The following AAGAB variants were observed in gnomAD, a reference collection of about 807,000 sequenced individuals.
AAGAB encodes alpha and gamma adaptin binding protein, also known as alpha- and gamma-adaptin-binding protein p34.
In AAGAB, 38 loss-of-function variants were observed where a neutral mutation model predicts 44.1. That is an observed-to-expected ratio of 0.86 (90% CI 0.67 to 1.13). The LOEUF (loss-of-function observed/expected upper bound fraction) is 1.13, where lower values mean the gene tolerates loss of function less well. Ranked by LOEUF, AAGAB falls within the 50% of genes most tolerant of loss-of-function variation. AAGAB has a pLI of 0.00. For synonymous variants in AAGAB, 131 were observed against 131.8 expected, an observed-to-expected ratio of 0.99 and a Z score of 0.04; for missense variants, 450 against 373.8, an observed-to-expected ratio of 1.20 and a Z score of -1.68.
At chr15:67,213,329 A>G (rs1050345943) in intron 5 of AAGAB, among the ~76,000 whole-genome samples, 4 of 152,320 alleles carry the variant, frequency 2.6e-5, no homozygotes, top group South Asian at 4.1e-4. Context: ...TAAATTGGAA[A>G]TTCTTAAGCC....
upstream of AAGAB, chr15:67,254,703 G>A (rs901904492): frequency 6.8e-7 from 1 of 1,477,612 alleles, no homozygotes; most frequent in African/African-American, 1.4e-5. Context: ...GCCGGCGCGA[G>A]GGGGAGACAG....
rs533628412 is a variant in AAGAB, at chr15:67,254,481, G to C, written c.73+78C>G. On this transcript the variant is annotated intron_variant, in intron 1 of 9. Coordinates refer to ENST00000261880, the MANE Select transcript of AAGAB (RefSeq NM_024666.5). ...GGGCCCGCTGCGGGGACAAGGCCCA[G>C]AGAGGCCGTGGTGCTGGGTCCGTCG... is the stretch of plus-strand genomic sequence containing the variant. 503 of 1,511,324 alleles carry C rather than the reference G, an allele frequency of 3.3e-4. 3 individuals carry two copies. In the African/African-American group the frequency reaches 6.1e-3, roughly 18 times the overall value. The allele number at this position is 1,511,324 out of a possible 1,614,324, so 93.6% of individuals were successfully genotyped here.
At chr15:67,208,460 C>T (rs1774730501) in intron 7 of AAGAB, 102 bp downstream of exon 7, 25 of 1,024,828 alleles carry the variant, frequency 2.4e-5, no homozygotes, top group Admixed American at 1.9e-4. Context: ...ATTTTTTTCC[C>T]TTCTCTGTGT....
chr15:67,202,865 C>T lies in AAGAB; in HGVS notation c.904G>A (p.Asp302Asn). 1 of 1,614,098 alleles carries T rather than the reference C, an allele frequency of 6.2e-7. No individual in the cohort carries two copies. Among genetic ancestry groups the T allele is most frequent in the Non-Finnish European group, 8.5e-7 (1 of 1,179,970 alleles). ...GAAAGGCCTTCAATTTCATCTCTGTCTCCCCCGATTGCCATCCAGAATGCT... is the reference window on the plus strand; with the variant it reads ...GAAAGGCCTTCAATTTCATCTCTGTTTCCCCCGATTGCCATCCAGAATGCT... ...AKAFWMAIGG[D>N]RDEIEGLSSD... The change falls in exon 10 of 10, where the codon GAC becomes AAC. Residue 302 changes from aspartate (D) to asparagine (N), a missense_variant. By Grantham distance (23) the Asp-to-Asn change is conservative. Coordinates refer to ENST00000261880, the MANE Select transcript of AAGAB (RefSeq NM_024666.5).
chr15:67,230,135 A>T (rs935550728), intron 5 of AAGAB, among the ~76,000 whole-genome samples: 1 of 151,956 alleles, frequency 6.6e-6, no homozygotes, highest in Non-Finnish European at 1.5e-5. Context: ...TACAGGTGTG[A>T]GCCACCTCAC....
intron 5 of AAGAB, among the ~76,000 whole-genome samples, 168 bp from the exon 6 acceptor site, chr15:67,209,712 G>A (rs574395315): frequency 6.6e-6 from 1 of 152,292 alleles, no homozygotes; most frequent in South Asian, 2.1e-4. Context: ...GAGTGCAGTG[G>A]CACAATCACA....
intron 1 of AAGAB, among the ~76,000 whole-genome samples, chr15:67,242,429 C>CAAA (rs59817309): frequency 5.1e-5 from 3 of 58,756 alleles, no homozygotes; most frequent in African/African-American, 1.6e-4. Flanking sequence ...GACTCCGTCT[C>CAAA]AAAAAAAAAA....
rs1964476971 is a variant in AAGAB, at chr15:67,236,695, ATTTG to A, written c.195_198del (p.Lys66PhefsTer43). The A allele has an allele frequency of 6.2e-7, 1 of 1,614,138 alleles. No homozygotes were observed. The highest frequency in any genetic ancestry group is 2.2e-5 in the East Asian group (1 of 44,876). On this transcript the variant is annotated frameshift_variant, in exon 2 of 10. Transcript: ENST00000261880. LOFTEE classifies it high-confidence loss of function. ...TCTGCAATCTCTGCAGTAACAAGAA[ATTTG>A]TTTGGCACCACACATAGATTGATGT...
chr15:67,212,266 A>G (rs1440223765), intron 5 of AAGAB, among the ~76,000 whole-genome samples: 1 of 152,202 alleles, frequency 6.6e-6, no homozygotes, highest in Admixed American at 6.5e-5. Context: ...TCATCACTGT[A>G]TACTGTAAAC....
At chr15:67,244,753 G>A (rs1029225441) in intron 1 of AAGAB, among the ~76,000 whole-genome samples, 7 of 151,088 alleles carry the variant, frequency 4.6e-5, no homozygotes, top group Non-Finnish European at 7.4e-5. Context: ...GCAGTGAGCC[G>A]AGATCACACC....
chr15:67,251,483 T>C (rs1420003357), intron 1 of AAGAB, among the ~76,000 whole-genome samples: 1 of 152,222 alleles, frequency 6.6e-6, no homozygotes, highest in Non-Finnish European at 1.5e-5. Context: ...CTTGAACTCC[T>C]GTGCTCAAGT....
upstream of AAGAB, chr15:67,254,710 A>T (rs1965040564): frequency 2.1e-6 from 3 of 1,462,436 alleles, no homozygotes; most frequent in Non-Finnish European, 2.8e-6. Flanking sequence ...CGAGGGGGAG[A>T]CAGGCCGGAG....
At chr15:67,214,223 C>A (rs1009566689) in intron 5 of AAGAB, among the ~76,000 whole-genome samples, 1 of 152,144 alleles carries the variant, frequency 6.6e-6, no homozygotes, top group Admixed American at 6.5e-5. Flanking sequence ...TTTATTAAGT[C>A]CCTGGTTTAG....
chr15:67,209,210 C>T (rs1963752297), intron 6 of AAGAB, among the ~76,000 whole-genome samples: 1 of 152,182 alleles, frequency 6.6e-6, no homozygotes, highest in African/African-American at 2.4e-5. Context: ...GATCTGAAGG[C>T]AAATTAATGC....
chr15:67,244,865 AAAG>A (rs1206021509), intron 1 of AAGAB, among the ~76,000 whole-genome samples: 1 of 152,188 alleles, frequency 6.6e-6, no homozygotes, highest in African/African-American at 2.4e-5. Flanking sequence ...ACATTTCACC[AAAG>A]AAGATATTAA....
At chr15:67,216,006 T>C (rs1963935779) in intron 5 of AAGAB, among the ~76,000 whole-genome samples, 2 of 152,190 alleles carry the variant, frequency 1.3e-5, no homozygotes, top group South Asian at 4.1e-4. Flanking sequence ...CTGGGACACC[T>C]GCTCACATAT....
In AAGAB at chr15:67,201,219, C is replaced by G. The variant is rs550454411; in HGVS notation, c.*1602G>C. ...AATCCCAGAGCCAACTTCCCTAATG[C>G]AATCACCTCAAAGAAACACTGATGG... On this transcript the variant is annotated 3_prime_UTR_variant, in exon 10 of 10. Transcript: ENST00000261880. 1 of 147,324 alleles carries G rather than the reference C, an allele frequency of 6.8e-6. No homozygotes were observed. The highest frequency in any genetic ancestry group is 2.1e-4 in the South Asian group (1 of 4,672). The allele number at this position is 147,324 out of a possible 1,614,324, so 9.1% of individuals were successfully genotyped here.
In AAGAB at chr15:67,222,242, G is replaced by GCACACA. The variant is rs370826027; in HGVS notation, c.535+9566_535+9571dup. On this transcript the variant is annotated intron_variant, in intron 5 of 9. Coordinates refer to ENST00000261880, the MANE Select transcript of AAGAB (RefSeq NM_024666.5). ...TGCATGCACGCGCACGCGCGCGCGC[G>GCACACA]CACACACACACACACACACACACAC... Among the ~76,000 whole-genome samples, 299 of 90,064 alleles carry GCACACA rather than the reference G, an allele frequency of 3.3e-3. 1 individual carries two copies. Among genetic ancestry groups the GCACACA allele is most frequent in the African/African-American group, 7.7e-3 (204 of 26,622 alleles). The allele number at this position is 90,064 out of a possible 152,430, so 59.1% of individuals were successfully genotyped here.
At chr15:67,216,512 G>A (rs1319819566) in intron 5 of AAGAB, among the ~76,000 whole-genome samples, 1 of 147,208 alleles carries the variant, frequency 6.8e-6, no homozygotes, top group African/African-American at 2.5e-5. Context: ...CAATACTCTG[G>A]TATTTTGTCT....
Sources: allele counts gnomAD v4.1 joint callset (sites outside exome capture counted in the v4.1 genomes callset), GRCh38; gene constraint gnomAD v4.1.1; transcripts MANE v1.5; gene names NCBI Gene and HGNC (gene_info 2026-07-23, HGNC 2026-07-21).